The following ZNF585A variants were observed in gnomAD, a reference collection of about 807,000 sequenced individuals.
ZNF585A encodes zinc finger protein 585A.
Under a neutral mutation model 14.9 loss-of-function variants are expected in ZNF585A, and 9 were observed. The observed-to-expected ratio is 0.60, with a 90% CI of 0.36 to 1.05. The LOEUF is 1.05. ZNF585A is among the 50% of genes least tolerant of loss of function. The probability of loss-of-function intolerance (pLI) is 0.01; values close to 1 mark genes in which losing one functional copy is unlikely to be tolerated. For synonymous variants in ZNF585A, 276 were observed against 319.9 expected (o/e 0.86, Z 1.46); for missense variants, 726 against 926.4 (o/e 0.78, Z 2.81).
rs1971862205 is a variant in ZNF585A at position 37,153,000 on chromosome 19, C to T, written c.899G>A (p.Cys300Tyr). ...RIHTGEKPYE[C>Y]SNCGKSFISK... Reference sequence around the variant, plus strand: ...AATGAAGGATTTGCCACAGTTACTGCACTCATATGGTTTTTCTCCAGTATG... The same window carrying T: ...AATGAAGGATTTGCCACAGTTACTGTACTCATATGGTTTTTCTCCAGTATG... Residue 300 changes from cysteine (C) to tyrosine (Y), a missense_variant, in exon 5 of 5, where the codon TGC becomes TAC. By Grantham distance (194) the Cys-to-Tyr change is radical. Around this residue, in one of 2 missense-constraint regions of ZNF585A, gnomAD observed 483 missense variants for 542.8 expected, o/e 0.89. Transcript: ENST00000292841. The T allele has an allele frequency of 1.2e-6, 2 of 1,614,088 alleles. No individual in the cohort carries two copies. Among genetic ancestry groups the T allele is most frequent in the African/African-American group, 2.7e-5 (2 of 74,928 alleles).
intron 2 of ZNF585A, among the ~76,000 whole-genome samples, chr19:37,164,974 A>C (rs1261217721): frequency 6.6e-6 from 1 of 152,194 alleles, no homozygotes; most frequent in South Asian, 2.1e-4. Context: ...CATATGGCCA[A>C]AAGTAAAGTT....
intron 2 of ZNF585A, among the ~76,000 whole-genome samples, chr19:37,159,727 T>C (rs887571997): frequency 7.9e-5 from 12 of 151,760 alleles, no homozygotes; most frequent in Admixed American, 1.3e-4. Context: ...CAAACAAAAA[T>C]TAATAACAGA....
At position 37,153,373 on chromosome 19, in the gene ZNF585A, G is replaced by A; in HGVS notation, c.526C>T (p.His176Tyr). The change falls in exon 5 of 5, where the codon CAC becomes TAC. Residue 176 changes from histidine (H) to tyrosine (Y), a missense_variant. His to Tyr is a moderately conservative substitution (Grantham distance 83). This residue lies in a region of ZNF585A where 483 missense variants were observed against 542.8 expected (regional missense o/e 0.89). Transcript: ENST00000292841. Reference sequence around the variant, plus strand: ...TTCTCTCTCATATGGGTTTTCTGGTGTATAATAAATTCTGGCTTCTGTACA... The same window carrying A: ...TTCTCTCTCATATGGGTTTTCTGGTATATAATAAATTCTGGCTTCTGTACA... ...AFVQKPEFII[H>Y]QKTHMREKPF... The A allele has an allele frequency of 6.2e-7, 1 of 1,614,006 alleles. No individual in the cohort carries two copies. Among genetic ancestry groups the A allele is most frequent in the Non-Finnish European group, 8.5e-7 (1 of 1,179,996 alleles).
At position 37,153,509 on chromosome 19, in the gene ZNF585A, A is replaced by G. The variant is rs762503098; in HGVS notation, c.390T>C (p.Tyr130=). The G allele has an allele frequency of 6.2e-7, 1 of 1,614,168 alleles. No individual in the cohort carries two copies. The highest frequency in any genetic ancestry group is 1.1e-5 in the South Asian group (1 of 91,080). The part of the protein sequence containing the change: ...PQKMYPGEKA[Y]ECAKFEKIFT... ...ATATCTTTTCAAATTTGGCGCATTC[A>G]TAAGCTTTCTCCCCAGGATACATTT... The change falls in exon 5 of 5, where the codon TAT becomes TAC. Residue 130 remains tyrosine (Y), a synonymous_variant. Coordinates refer to ENST00000292841, the MANE Select transcript of ZNF585A (RefSeq NM_001288800.2).
chr19:37,151,816 A>C lies in ZNF585A; in HGVS notation c.2083T>G (p.Cys695Gly), dbSNP rs756945918. 1.2e-6 allele frequency: 2 copies of C among 1,612,756 alleles called. No homozygotes were observed. Among genetic ancestry groups the C allele is most frequent in the Non-Finnish European group, 8.5e-7 (1 of 1,179,366 alleles). ...TGEKPYECSD[C>G]GKSFTKKSQL... The stretch of plus-strand genomic sequence containing the variant: ...GATTTTTTAGTGAAAGACTTCCCAC[A>C]GTCACTGCACTCATAAGGTTTCTCT... Residue 695 changes from cysteine to glycine, a missense_variant, in exon 5 of 5, where the codon TGT becomes GGT. Transcript: ENST00000292841.
At chr19:37,159,248 C>CAAAAAAAA (rs768272181) in intron 2 of ZNF585A, among the ~76,000 whole-genome samples, 2 of 69,340 alleles carry the variant, frequency 2.9e-5, no homozygotes, top group Non-Finnish European at 5.6e-5. Flanking sequence ...GACTCCATCT[C>CAAAAAAAA]AAAAAAAAAA....
rs781030162 is a variant in ZNF585A, at chr19:37,151,828, C to G, written c.2071G>C (p.Glu691Gln). The change falls in exon 5 of 5, where the codon GAG becomes CAG. Residue 691 changes from glutamate to glutamine, a missense_variant. Glu to Gln is a conservative substitution (Grantham distance 29, BLOSUM62 2). Transcript: ENST00000292841. ...HRIHTGEKPY[E>Q]CSDCGKSFTK... ...AAAGACTTCCCACAGTCACTGCACT[C>G]ATAAGGTTTCTCTCCAGTATGAATT... The G allele has an allele frequency of 1.2e-6, 2 of 1,612,370 alleles. No homozygotes were observed. The highest frequency in any genetic ancestry group is 3.3e-5 in the Admixed American group (2 of 59,928).
Position 37,151,551 on chromosome 19 carries a change from G to T in ZNF585A, c.*38C>A, listed in dbSNP as rs1000583601. On this transcript the variant is annotated 3_prime_UTR_variant, in exon 5 of 5. Transcript: ENST00000292841. ...GCATGCGTGCAACAGTGTACAATCA[G>T]ACCCAACCCTCAGGGGGGTTTTCTC... The T allele has an allele frequency of 6.4e-7, 1 of 1,570,812 alleles. No homozygotes were observed. Among genetic ancestry groups the T allele is most frequent in the African/African-American group, 1.4e-5 (1 of 73,950 alleles).
intron 1 of ZNF585A, among the ~76,000 whole-genome samples, chr19:37,171,764 G>A (rs1972186143): frequency 6.6e-6 from 1 of 152,058 alleles, no homozygotes. Context: ...TTAGCTGGGC[G>A]TGGTGGCGGG....
Position 37,153,635 on chromosome 19 carries a change from G to A in ZNF585A, c.293-29C>T, listed in dbSNP as rs777081821. On this transcript the variant is annotated intron_variant, in intron 4 of 4. Transcript: ENST00000292841. Reference sequence around the variant, plus strand: ...TTGGAATACACTCATGGTTACTATAGGAAGACATTTTATCATTTGGTAATC... The same window carrying A: ...TTGGAATACACTCATGGTTACTATAAGAAGACATTTTATCATTTGGTAATC... The A allele has an allele frequency of 3.3e-6, 5 of 1,493,962 alleles. No homozygotes were observed. The East Asian group carries it at 9.1e-5, about 27-fold the overall frequency. 92.5% of individuals were successfully genotyped at this position (1,493,962 alleles called of 1,614,324 possible).
rs1364968239 is a variant in ZNF585A, at chr19:37,145,674, T to C, written c.*5915A>G. ...TTTTTGTTTTAATAGCAGCATTCCT[T>C]GTTATAATAAATATTAAAATAACAC... is the stretch of plus-strand genomic sequence containing the variant. On this transcript the variant is annotated 3_prime_UTR_variant, in exon 5 of 5. Coordinates refer to ENST00000292841, the MANE Select transcript of ZNF585A (RefSeq NM_001288800.2). The C allele has an allele frequency of 6.6e-6, 1 of 152,232 alleles. No individual in the cohort carries two copies. The highest frequency in any genetic ancestry group is 1.9e-4 in the East Asian group (1 of 5,202). The allele number at this position is 152,232 out of a possible 1,614,324, so 9.4% of individuals were successfully genotyped here.
intron 1 of ZNF585A, among the ~76,000 whole-genome samples, chr19:37,171,639 G>A (rs1376327921): frequency 2.0e-5 from 3 of 152,158 alleles, no homozygotes; most frequent in Non-Finnish European, 2.9e-5. Flanking sequence ...AGTGGCTCAC[G>A]CCTGTAATCC....
chr19:37,152,899 C>T lies in ZNF585A; in HGVS notation c.1000G>A (p.Val334Ile). 1.2e-6 allele frequency: 2 copies of T among 1,614,208 alleles called. No homozygotes were observed. Among genetic ancestry groups the T allele is most frequent in the Non-Finnish European group, 1.7e-6 (2 of 1,180,046 alleles). The change falls in exon 5 of 5, where the codon GTC becomes ATC. Residue 334 changes from valine to isoleucine, a missense_variant. This residue lies in a region of ZNF585A where 483 missense variants were observed against 542.8 expected (regional missense o/e 0.89). Coordinates refer to ENST00000292841, the MANE Select transcript of ZNF585A (RefSeq NM_001288800.2). The stretch of plus-strand genomic sequence containing the variant: ...ACGAGGTTGGAATTATTGCTGAAGA[C>T]CTTCCCATATTCGGTACATATATAG... ...KPYICTEYGK[V>I]FSNNSNLVTH...
intron 2 of ZNF585A, among the ~76,000 whole-genome samples, chr19:37,168,256 A>G (rs1972127552): frequency 6.6e-6 from 1 of 152,208 alleles, no homozygotes; most frequent in Middle Eastern, 3.4e-3. Flanking sequence ...TTATTTTTAA[A>G]TGAGGATAAA....
At chr19:37,170,508 G>A (rs1227453886) in intron 1 of ZNF585A, among the ~76,000 whole-genome samples, 3 of 152,176 alleles carry the variant, frequency 2.0e-5, no homozygotes, top group African/African-American at 7.2e-5. Flanking sequence ...CTTTTGAGAC[G>A]GAGTCTCGCT....
chr19:37,158,516 G>A (rs562644565), intron 2 of ZNF585A, among the ~76,000 whole-genome samples: 1 of 152,282 alleles, frequency 6.6e-6, no homozygotes, highest in African/African-American at 2.4e-5. Context: ...TCACAGGAGT[G>A]GGAAGGAGAG....
intron 2 of ZNF585A, among the ~76,000 whole-genome samples, chr19:37,168,963 G>A (rs1025775899): frequency 2.6e-5 from 4 of 152,176 alleles, no homozygotes; most frequent in Non-Finnish European, 2.9e-5. Context: ...GAAACATGGG[G>A]GTAGGTGGGG....
rs755424594 is a variant in ZNF585A at position 37,153,422 on chromosome 19, T to A, written c.477A>T (p.Val159=). 1 of 1,614,080 alleles carries A rather than the reference T, an allele frequency of 6.2e-7. No individual in the cohort carries two copies. Among genetic ancestry groups the A allele is most frequent in the Admixed American group, 1.7e-5 (1 of 60,012 alleles). Residue 159 remains valine, a synonymous_variant, in exon 5 of 5, where the codon GTA becomes GTT. Coordinates refer to ENST00000292841, the MANE Select transcript of ZNF585A (RefSeq NM_001288800.2). ...CAAAAGCCTTCCCACATTCAATGCA[T>A]ACATAGAGCTTTTCTCCTGCAAGAA... ...LKVLAGEKLY[V]CIECGKAFVQ...
intron 2 of ZNF585A, among the ~76,000 whole-genome samples, chr19:37,160,169 T>C (rs1375560054): frequency 6.6e-6 from 1 of 151,342 alleles, no homozygotes; most frequent in Non-Finnish European, 1.5e-5. Flanking sequence ...CCCATCTCCA[T>C]CAATAATACA....
Sources: gnomAD v4.1 joint callset for allele counts (sites outside exome capture counted in the v4.1 genomes callset) on GRCh38, gnomAD v4.1.1 for gene constraint, gnomAD v4.1.1 regional missense constraint, MANE v1.5 for transcripts, NCBI Gene and HGNC (gene_info 2026-07-23, HGNC 2026-07-21) for gene names.